Variants in COBL observed in about 807,000 individuals in gnomAD.
COBL encodes the protein cordon-bleu WH2 repeat protein.
COBL carries 51 observed loss-of-function variants against 98.8 expected under a neutral mutation model. The observed-to-expected ratio is 0.52, with a 90% CI of 0.41 to 0.65. The LOEUF is 0.65. Ranked by LOEUF, COBL falls within the 30% of genes least tolerant of loss-of-function variation. COBL has a pLI of 0.00. For synonymous variants in COBL, 634 were observed against 651.7 expected (o/e 0.97, Z 0.41); for missense variants, 1,617 against 1,617.5 (o/e 1.00, Z 0.01).
chr7:51,312,285 C>A (rs1299189057), intron 1 of COBL, among the ~76,000 whole-genome samples: 1 of 152,030 alleles, frequency 6.6e-6, no homozygotes, highest in Non-Finnish European at 1.5e-5. Flanking sequence ...GAGCTGAGAT[C>A]GCACCATTGC....
chr7:51,220,934 T>C (rs1023163900), intron 1 of COBL, among the ~76,000 whole-genome samples: 1 of 152,218 alleles, frequency 6.6e-6, no homozygotes, highest in African/African-American at 2.4e-5. Flanking sequence ...TGTGTGTATA[T>C]ATATGTATGT....
chr7:51,126,392 G>C (rs76626765), intron 6 of COBL, among the ~76,000 whole-genome samples: 1 of 152,090 alleles, frequency 6.6e-6, no homozygotes, highest in Admixed American at 6.5e-5. Flanking sequence ...CGAATAGAGC[G>C]GCACCACCCC....
intron 3 of COBL, 151 bp from the exon 4 acceptor site, chr7:51,191,229 TAATG>T: frequency 7.7e-6 from 5 of 652,260 alleles, no homozygotes; most frequent in Non-Finnish European, 1.3e-5. Flanking sequence ...GAAAACAGCA[TAATG>T]AATATTGAAA....
intron 7 of COBL, among the ~76,000 whole-genome samples, chr7:51,074,256 C>T (rs924826891): frequency 2.3e-4 from 29 of 127,236 alleles, no homozygotes; most frequent in South Asian, 2.5e-4. Context: ...AGTGCTGTGG[C>T]GCGATCTCGG....
At chr7:51,288,046 T>C (rs112806523) in intron 1 of COBL, among the ~76,000 whole-genome samples, 113 of 152,342 alleles carry the variant, frequency 7.4e-4, no homozygotes, top group African/African-American at 2.6e-3. Context: ...GTGTTCTGTG[T>C]GCTAATTGTG....
chr7:51,072,127 C>T (rs545861907), intron 7 of COBL: 1 of 151,376 alleles, frequency 6.6e-6, no homozygotes, highest in African/African-American at 2.4e-5. Context: ...TCCTACATGT[C>T]AGGAATACTT....
chr7:51,032,492 C>T (rs903264412), intron 8 of COBL: 1 of 152,192 alleles, frequency 6.6e-6, no homozygotes, highest in Non-Finnish European at 1.5e-5. Context: ...TAATCAGGCC[C>T]AGATAATGAT....
intron 7 of COBL, among the ~76,000 whole-genome samples, chr7:51,058,631 G>C (rs1318361719): frequency 6.6e-6 from 1 of 152,102 alleles, no homozygotes; most frequent in Non-Finnish European, 1.5e-5. Context: ...GGATTCAACT[G>C]TGGCCTCCAG....
intron 6 of COBL, among the ~76,000 whole-genome samples, chr7:51,114,110 T>G (rs996442942): frequency 6.6e-6 from 1 of 152,140 alleles, no homozygotes; most frequent in Non-Finnish European, 1.5e-5. Context: ...ATCTCCACCT[T>G]TATATGTGCA....
At chr7:51,043,792 G>T in intron 7 of COBL, 100 bp from the exon 8 acceptor site, 1 of 996,652 alleles carries the variant, frequency 1.0e-6, no homozygotes, top group Non-Finnish European at 1.5e-6. Flanking sequence ...TCTAAAATTT[G>T]GGATTCAGGG....
chr7:51,095,133 T>G (rs1795157211), intron 6 of COBL, among the ~76,000 whole-genome samples: 3 of 152,146 alleles, frequency 2.0e-5, no homozygotes, highest in African/African-American at 7.2e-5. Flanking sequence ...CAGTTCCACA[T>G]GGGTGGGGAG....
intron 1 of COBL, among the ~76,000 whole-genome samples, chr7:51,226,536 G>GAGTGAGTGAGTGAGTGAGTGAGTA (rs1554437894): frequency 5.3e-5 from 8 of 151,924 alleles, no homozygotes; most frequent in African/African-American, 1.9e-4. Flanking sequence ...GTGAGTGAGT[G>GAGTGAGTGAGTGAGTGAGTGAGTA]AGTGAGTGAG....
At chr7:51,083,321 G>T in intron 7 of COBL, 1 of 920,252 alleles carries the variant, frequency 1.1e-6, no homozygotes, top group Non-Finnish European at 1.6e-6. Flanking sequence ...ACCAGATCCA[G>T]CCACACTCAA....
chr7:51,141,331 G>A (rs992479660), intron 5 of COBL, among the ~76,000 whole-genome samples: 1 of 152,156 alleles, frequency 6.6e-6, no homozygotes, highest in Non-Finnish European at 1.5e-5. Flanking sequence ...ACTCTGAGCT[G>A]GCAATCAACA....
intron 6 of COBL, among the ~76,000 whole-genome samples, chr7:51,090,996 C>A (rs995500524): frequency 6.6e-6 from 1 of 152,184 alleles, no homozygotes; most frequent in Non-Finnish European, 1.5e-5. Context: ...AGATGGATAT[C>A]CAGAAAAGGG....
At chr7:51,063,582 A>T (rs1791600098) in intron 7 of COBL, among the ~76,000 whole-genome samples, 1 of 152,248 alleles carries the variant, frequency 6.6e-6, no homozygotes, top group Non-Finnish European at 1.5e-5. Flanking sequence ...GTCTGCAGAC[A>T]GCAGTAGGAG....
At chr7:51,083,079 C>T in intron 7 of COBL, 1 of 1,536,000 alleles carries the variant, frequency 6.5e-7, no homozygotes. Context: ...GGGTCTGAGG[C>T]CTCGGAACCA....
intron 5 of COBL, among the ~76,000 whole-genome samples, chr7:51,155,314 G>A (rs1786010244): frequency 6.6e-6 from 1 of 152,100 alleles, no homozygotes; most frequent in African/African-American, 2.4e-5. Flanking sequence ...TTCCAGCCGG[G>A]AGCAGTGGCT....
At position 51,096,625 on chromosome 7, in the gene COBL, TGA is replaced by T. The variant is rs1411002021; in HGVS notation, c.958-11323_958-11322del. Among the ~76,000 whole-genome samples, 10 of 151,962 alleles carry T rather than the reference TGA, an allele frequency of 6.6e-5. No homozygotes were observed. The South Asian group carries it at 1.9e-3, about 28-fold the overall frequency. On this transcript the variant is annotated intron_variant, in intron 6 of 12. Coordinates refer to ENST00000265136, the MANE Select transcript of COBL (RefSeq NM_015198.5). ...ACCCTTAGTTACAGTAAGTAAAAAA[TGA>T]GAGAAGACTCATATTTTAAAAATTA...
Sources: gnomAD v4.1 joint callset for allele counts (sites outside exome capture counted in the v4.1 genomes callset) on GRCh38, gnomAD v4.1.1 for gene constraint, MANE v1.5 for transcripts, NCBI Gene and HGNC (gene_info 2026-07-23, HGNC 2026-07-21) for gene names.